Variants in UAP1 observed in about 807,000 individuals in gnomAD.
UAP1 encodes UDP-N-acetylglucosamine pyrophosphorylase 1, also known as UDP-N-acetylhexosamine pyrophosphorylase.
UAP1 carries 25 observed loss-of-function variants against 58.5 expected under a neutral mutation model. The ratio of observed to expected loss-of-function variants is 0.43; its 90% confidence interval spans 0.31 to 0.60. UAP1 has a LOEUF of 0.60. Among genes scored for constraint, UAP1 ranks in the 20% least tolerant of loss-of-function variants. The pLI is 0.11. For synonymous variants in UAP1, 208 were observed against 213.0 expected, an observed-to-expected ratio of 0.98 and a Z score of 0.21; for missense variants, 575 against 630.0, an observed-to-expected ratio of 0.91 and a Z score of 0.93.
chr1:162,576,890 C>T (rs746678581), exon 3 of UAP1: 12 of 1,613,940 alleles, frequency 7.4e-6, no homozygotes, highest in Middle Eastern at 1.6e-4. Flanking sequence ...TTTGCCATCC[C>T]GTAAGACACT....
chr1:162,589,173 ATAT>A (rs1441080841), intron 7 of UAP1, among the ~76,000 whole-genome samples: 76 of 97,526 alleles, frequency 7.8e-4, no homozygotes, highest in East Asian at 3.4e-3. Flanking sequence ...TAATATATAA[ATAT>A]TATATATAAT....
At chr1:162,575,704 T>A (rs1335632538) in intron 2 of UAP1, among the ~76,000 whole-genome samples, 1 of 146,412 alleles carries the variant, frequency 6.8e-6, no homozygotes, top group Non-Finnish European at 1.5e-5. Flanking sequence ...TTTATGTTTT[T>A]GTATTTTGTT....
intron 2 of UAP1, among the ~76,000 whole-genome samples, chr1:162,571,058 T>G (rs1027186065): frequency 2.0e-5 from 3 of 151,978 alleles, no homozygotes; most frequent in Admixed American, 1.3e-4. Context: ...AGGAGAGAGA[T>G]ACTCCAGCCC....
chr1:162,595,408 C>CT (rs60704852), intron 9 of UAP1, among the ~76,000 whole-genome samples: 3 of 151,180 alleles, frequency 2.0e-5, no homozygotes, highest in Non-Finnish European at 4.4e-5. Flanking sequence ...TCATTTTTTC[C>CT]TTTTTTTTTC....
chr1:162,572,098 A>AT (rs1653900275), intron 2 of UAP1, among the ~76,000 whole-genome samples: 1 of 152,200 alleles, frequency 6.6e-6, no homozygotes, highest in Non-Finnish European at 1.5e-5. Context: ...ATGTAAATGG[A>AT]TATCTACCTG....
chr1:162,599,299 A>C, exon 11 of UAP1: 1 of 1,612,708 alleles, frequency 6.2e-7, no homozygotes, highest in Non-Finnish European at 8.5e-7. Context: ...GCAGATAAAG[A>C]ATTCCATGCA....
intron 4 of UAP1, 63 bp downstream of exon 4, chr1:162,579,666 G>T: frequency 7.5e-7 from 1 of 1,325,434 alleles, no homozygotes; most frequent in African/African-American, 1.5e-5. Context: ...ATCAAATGTT[G>T]ATTTTCTTTT....
chr1:162,565,207 G>C (rs565172795), intron 1 of UAP1, among the ~76,000 whole-genome samples: 31 of 152,218 alleles, frequency 2.0e-4, no homozygotes, highest in African/African-American at 7.0e-4. Context: ...GCCTGTTTGT[G>C]AACTTTCTAG....
intron 3 of UAP1, 62 bp downstream of exon 3, chr1:162,577,043 G>T (rs148308271): frequency 8.1e-6 from 12 of 1,485,322 alleles, no homozygotes; most frequent in Non-Finnish European, 1.1e-5. Flanking sequence ...TATTCAAAAT[G>T]CATATATACT....
At chr1:162,600,261 A>G (rs1028924436), downstream of UAP1, among the ~76,000 whole-genome samples, 4 of 152,172 alleles carry the variant, frequency 2.6e-5, no homozygotes, top group African/African-American at 9.7e-5. Context: ...TTTTGCCCAA[A>G]TATTTGGTGG....
chr1:162,588,757 G>A, exon 7 of UAP1: 2 of 1,612,004 alleles, frequency 1.2e-6, no homozygotes, highest in Non-Finnish European at 8.5e-7. Context: ...GGATACCCAA[G>A]GACAGTTAAT....
intron 4 of UAP1, among the ~76,000 whole-genome samples, 193 bp downstream of exon 4, chr1:162,579,796 G>A (rs1189955318): frequency 1.3e-5 from 2 of 152,152 alleles, no homozygotes; most frequent in African/African-American, 4.8e-5. Context: ...CTTGTTGTGG[G>A]TGTCTGCTCT....
intron 9 of UAP1, among the ~76,000 whole-genome samples, chr1:162,595,689 G>A (rs1655580167): frequency 6.6e-6 from 1 of 152,066 alleles, no homozygotes; most frequent in African/African-American, 2.4e-5. Context: ...AGAGAAATAA[G>A]TCACTTCTTA....
intron 3 of UAP1, among the ~76,000 whole-genome samples, chr1:162,577,748 A>G (rs1325191041): frequency 6.6e-6 from 1 of 151,874 alleles, no homozygotes; most frequent in Non-Finnish European, 1.5e-5. Flanking sequence ...AGTAGCTGGC[A>G]TTACAGGCAC....
intron 6 of UAP1, among the ~76,000 whole-genome samples, chr1:162,588,421 ATATACAGT>A (rs1409049964): frequency 6.6e-6 from 1 of 152,164 alleles, no homozygotes; most frequent in Non-Finnish European, 1.5e-5. Context: ...TAATGTACAT[ATATACAGT>A]TTTAAGGCAT....
At chr1:162,577,197 T>C (rs1654242881) in intron 3 of UAP1, among the ~76,000 whole-genome samples, 2 of 152,042 alleles carry the variant, frequency 1.3e-5, no homozygotes, top group African/African-American at 2.4e-5. Flanking sequence ...CCGCCAACTT[T>C]TACATTCCTG....
chr1:162,593,131 A>G lies in UAP1; in HGVS notation c.1409+349A>G, dbSNP rs1017789266. The G allele has an allele frequency of 5.5e-5, 15 of 271,824 alleles. 1 individual carries two copies. Among genetic ancestry groups the G allele is most frequent in the Non-Finnish European group, 8.3e-5 (12 of 144,370 alleles). The allele number at this position is 271,824 out of a possible 1,614,324, so 16.8% of individuals were successfully genotyped here. A position where few individuals can be genotyped will look rare whatever the true frequency, so the allele number is the denominator to read the frequency against. ...CATAAGCTTATACGGGGTTAAAAAT[A>G]CCATTCTGAAGATGTGTCTTGTGGA... On this transcript the variant is annotated intron_variant, in intron 9 of 10. Transcript: ENST00000271469.
intron 2 of UAP1, among the ~76,000 whole-genome samples, chr1:162,575,376 G>T (rs1654115078): frequency 1.3e-5 from 2 of 152,102 alleles, no homozygotes; most frequent in South Asian, 4.1e-4. Flanking sequence ...GCCTACAAAA[G>T]GCGTTTTAAT....
chr1:162,592,778 C>T (rs1232411357), exon 9 of UAP1: 1 of 1,549,912 alleles, frequency 6.5e-7, no homozygotes, highest in Non-Finnish European at 8.7e-7. Context: ...TGATGTCAAT[C>T]ACAAGTAAAT....
Sources: allele counts gnomAD v4.1 joint callset (sites outside exome capture counted in the v4.1 genomes callset), GRCh38; gene constraint gnomAD v4.1.1; transcripts MANE v1.5; gene names NCBI Gene and HGNC (gene_info 2026-07-23, HGNC 2026-07-21).